Variants in NELL1 observed in about 807,000 individuals in gnomAD.
NELL1 encodes neural EGFL like 1.
Under a neutral mutation model 107.4 loss-of-function variants are expected in NELL1, and 76 were observed. The ratio of observed to expected loss-of-function variants is 0.71; its 90% CI spans 0.59 to 0.86. NELL1 has a LOEUF of 0.86. NELL1 is among the 40% of genes least tolerant of loss of function. NELL1 has a pLI of 0.00. For synonymous variants in NELL1, 353 were observed against 341.2 expected (o/e 1.03, Z -0.38); for missense variants, 1,024 against 1,005.5 (o/e 1.02, Z -0.25).
intron 16 of NELL1, among the ~76,000 whole-genome samples, chr11:21,555,359 A>G (rs1392978004): frequency 6.6e-6 from 1 of 151,892 alleles, no homozygotes; most frequent in Non-Finnish European, 1.5e-5. Flanking sequence ...GTTATGAGAG[A>G]CTTCAAGATT....
chr11:21,254,436 G>A (rs1367194811), intron 14 of NELL1, among the ~76,000 whole-genome samples: 1 of 152,042 alleles, frequency 6.6e-6, no homozygotes, highest in Middle Eastern at 3.2e-3. Flanking sequence ...CATAAATTAA[G>A]TATCATGAGA....
intron 12 of NELL1, among the ~76,000 whole-genome samples, chr11:20,974,882 G>A (rs2134234488): frequency 6.6e-6 from 1 of 152,314 alleles, no homozygotes; most frequent in South Asian, 2.1e-4. Context: ...ACAACCTGAT[G>A]CCTCAATCTA....
chr11:20,828,475 A>T (rs969486360), intron 3 of NELL1, among the ~76,000 whole-genome samples: 2 of 152,212 alleles, frequency 1.3e-5, no homozygotes, highest in Non-Finnish European at 2.9e-5. Context: ...AATGATTGGT[A>T]TGAGGAGCCA....
intron 9 of NELL1, among the ~76,000 whole-genome samples, chr11:20,937,413 C>T (rs1590436817): frequency 6.6e-6 from 1 of 152,236 alleles, no homozygotes. Flanking sequence ...TCCCCTTTCA[C>T]CCAGTTCATT....
intron 14 of NELL1, among the ~76,000 whole-genome samples, chr11:21,319,494 TTATATA>T (rs143740709): frequency 0.02 from 2,750 of 135,602 alleles, 114 homozygotes; most frequent in African/African-American, 0.072. Context: ...CCAGCTAAAT[TTATATA>T]TATATATATA....
At position 20,975,818 on chromosome 11, in the gene NELL1, A is replaced by G. The variant is rs867725172; in HGVS notation, c.1300+15258A>G. Reference sequence around the variant, plus strand: ...GTATTATATGATATACATATTATATATGTATTATATATGTACATATGTGTA... The same window carrying G: ...GTATTATATGATATACATATTATATGTGTATTATATATGTACATATGTGTA... On this transcript the variant is annotated intron_variant, in intron 12 of 19. Transcript: ENST00000357134. Among the ~76,000 whole-genome samples, 693 of 128,588 alleles carry G rather than the reference A, an allele frequency of 5.4e-3. 61 individuals are homozygous for G. The highest frequency in any genetic ancestry group is 0.019 in the African/African-American group (623 of 32,110). The allele number at this position is 128,588 out of a possible 152,430, so 84.4% of individuals were successfully genotyped here. A position where few individuals can be genotyped will look rare whatever the true frequency, so the allele number is the denominator to read the frequency against.
At chr11:20,836,239 A>G (rs1848532148) in intron 3 of NELL1, among the ~76,000 whole-genome samples, 1 of 151,508 alleles carries the variant, frequency 6.6e-6, no homozygotes, top group Non-Finnish European at 1.5e-5. Flanking sequence ...ACAATGATAT[A>G]CCATTACACA....
chr11:20,764,083 T>C (rs145173389), intron 2 of NELL1, among the ~76,000 whole-genome samples: 56 of 152,334 alleles, frequency 3.7e-4, no homozygotes, highest in African/African-American at 1.0e-3. Flanking sequence ...TTAATGGAGA[T>C]TTGAATTTTT....
At chr11:21,412,445 G>A (rs1336452663) in intron 15 of NELL1, among the ~76,000 whole-genome samples, 1 of 152,032 alleles carries the variant, frequency 6.6e-6, no homozygotes, top group African/African-American at 2.4e-5. Flanking sequence ...CCTAGGATTT[G>A]TCATTTTATA....
intron 11 of NELL1, among the ~76,000 whole-genome samples, chr11:20,947,659 TG>T (rs1850991802): frequency 1.3e-5 from 2 of 152,222 alleles, no homozygotes. Flanking sequence ...GAAGATTAAA[TG>T]GGATAATGCA....
chr11:21,413,624 T>A (rs1312430943), intron 15 of NELL1, among the ~76,000 whole-genome samples: 1 of 152,058 alleles, frequency 6.6e-6, no homozygotes. Flanking sequence ...TGGCTTCAGG[T>A]TCTGTCCTTA....
At position 20,959,106 on chromosome 11, in the gene NELL1, T is replaced by C. The variant is rs879856847; in HGVS notation, c.1172-1326T>C. ...ATCCTTTGTTGAATGAATGAACCCA[T>C]AGCTAAAGGCATTCACATGGATGAA... is the stretch of plus-strand genomic sequence containing the variant. On this transcript the variant is annotated intron_variant, in intron 11 of 19. Coordinates refer to ENST00000357134, the MANE Select transcript of NELL1 (RefSeq NM_006157.5). Among the ~76,000 whole-genome samples the C allele has an allele frequency of 8.5e-5, 13 of 152,328 alleles. No homozygotes were observed. The East Asian group carries it at 1.2e-3, about 14-fold the overall frequency.
intron 3 of NELL1, among the ~76,000 whole-genome samples, chr11:20,812,881 G>A (rs980279835): frequency 6.6e-6 from 1 of 150,530 alleles, no homozygotes; most frequent in Non-Finnish European, 1.5e-5. Flanking sequence ...GGTGGCGGGC[G>A]CCTGTAGTCC....
At chr11:21,126,083 G>T (rs903082642) in intron 13 of NELL1, among the ~76,000 whole-genome samples, 1 of 152,170 alleles carries the variant, frequency 6.6e-6, no homozygotes, top group African/African-American at 2.4e-5. Context: ...GGTGTGGGAG[G>T]TTGAGGAACT....
chr11:21,261,594 C>T (rs1848533376), intron 14 of NELL1, among the ~76,000 whole-genome samples: 1 of 151,712 alleles, frequency 6.6e-6, no homozygotes, highest in Admixed American at 6.6e-5. Context: ...GAAACAGAGG[C>T]AGAGAGCGAT....
At chr11:20,833,173 T>C (rs11025777) in intron 3 of NELL1, among the ~76,000 whole-genome samples, 4,392 of 152,286 alleles carry the variant, frequency 0.029, 80 homozygotes, top group Middle Eastern at 0.048. Context: ...TCTTCACTAA[T>C]TAAATGAAGA....
chr11:20,721,257 T>A (rs1855382112), intron 2 of NELL1, among the ~76,000 whole-genome samples: 1 of 148,638 alleles, frequency 6.7e-6, no homozygotes, highest in Non-Finnish European at 1.5e-5. Context: ...TATTTATTTG[T>A]TTGTTGTTGT....
intron 14 of NELL1, among the ~76,000 whole-genome samples, chr11:21,232,609 G>A (rs1858092780): frequency 6.6e-6 from 1 of 152,154 alleles, no homozygotes; most frequent in South Asian, 2.1e-4. Context: ...TACAGTGGGA[G>A]TTGGACAAGA....
intron 15 of NELL1, among the ~76,000 whole-genome samples, chr11:21,446,749 C>T (rs1853442431): frequency 6.6e-6 from 1 of 152,192 alleles, no homozygotes; most frequent in Non-Finnish European, 1.5e-5. Flanking sequence ...GGGTCTTGCC[C>T]AAGGCTCACT....
Sources: gnomAD v4.1 joint callset for allele counts (sites outside exome capture counted in the v4.1 genomes callset) on GRCh38, gnomAD v4.1.1 for gene constraint, MANE v1.5 for transcripts, NCBI Gene and HGNC (gene_info 2026-07-23, HGNC 2026-07-21) for gene names.